Variants in STK39 observed in about 807,000 individuals in gnomAD.
The protein encoded by STK39 is serine/threonine kinase 39.
STK39 carries 20 observed loss-of-function variants against 77.8 expected under a neutral mutation model. The observed-to-expected ratio is 0.26, with a 90% CI of 0.18 to 0.37. STK39 has a LOEUF of 0.37. Ranked by LOEUF, STK39 falls within the 10% of genes least tolerant of loss-of-function variation. The pLI is 1.00. For missense variants in STK39, 479 were observed against 656.5 expected (o/e 0.73, Z 2.95); for synonymous variants, 246 against 234.1 (o/e 1.05, Z -0.47).
At chr2:167,966,135 C>T (rs1290379069) in intron 16 of STK39, among the ~76,000 whole-genome samples, 1 of 152,196 alleles carries the variant, frequency 6.6e-6, no homozygotes, top group African/African-American at 2.4e-5. Flanking sequence ...CTTTTGCCCA[C>T]ATAAGCAAGC....
At chr2:168,051,198 G>A (rs1685386138) in intron 14 of STK39, among the ~76,000 whole-genome samples, 1 of 152,146 alleles carries the variant, frequency 6.6e-6, no homozygotes, top group African/African-American at 2.4e-5. Context: ...TAATAAAACT[G>A]GAGAGGAGAA....
chr2:168,100,001 G>C (rs919422870), intron 10 of STK39, among the ~76,000 whole-genome samples: 2 of 152,140 alleles, frequency 1.3e-5, no homozygotes, highest in African/African-American at 4.8e-5. Flanking sequence ...AAGGGCCAAA[G>C]ACAGGCCACA....
chr2:168,187,626 C>A (rs1004411980), intron 1 of STK39, among the ~76,000 whole-genome samples: 21 of 152,162 alleles, frequency 1.4e-4, no homozygotes, highest in African/African-American at 4.8e-4. Flanking sequence ...TTAGGGAAAT[C>A]CCCCCAGGTC....
chr2:167,977,528 C>CAGACAA (rs1683309220), intron 16 of STK39, among the ~76,000 whole-genome samples: 1 of 147,946 alleles, frequency 6.8e-6, no homozygotes, highest in African/African-American at 2.5e-5. Flanking sequence ...CAGGAATACC[C>CAGACAA]AGAATTCATC....
intron 1 of STK39, among the ~76,000 whole-genome samples, chr2:168,237,229 G>A (rs1690637301): frequency 1.3e-5 from 2 of 152,156 alleles, no homozygotes; most frequent in Admixed American, 1.3e-4. Context: ...GTTCACTCAT[G>A]ATTTGGCTCT....
intron 1 of STK39, among the ~76,000 whole-genome samples, chr2:168,182,395 G>T (rs1221891088): frequency 6.6e-6 from 1 of 152,094 alleles, no homozygotes; most frequent in Admixed American, 6.6e-5. Flanking sequence ...TTTCTAGCTT[G>T]AGTGCCTTTA....
chr2:167,995,614 G>A (rs893518738), intron 16 of STK39, among the ~76,000 whole-genome samples: 1 of 152,184 alleles, frequency 6.6e-6, no homozygotes, highest in Non-Finnish European at 1.5e-5. Context: ...TATCAAGAGA[G>A]AGAAGATGGA....
At chr2:168,070,439 ATTTC>A (rs1235327049) in intron 12 of STK39, among the ~76,000 whole-genome samples, 1 of 150,506 alleles carries the variant, frequency 6.6e-6, no homozygotes, top group Non-Finnish European at 1.5e-5. Context: ...ATACTTCGAT[ATTTC>A]TTTTTTTTTT....
At chr2:168,114,143 A>G (rs1470177448) in intron 10 of STK39, among the ~76,000 whole-genome samples, 2 of 152,228 alleles carry the variant, frequency 1.3e-5, no homozygotes, top group African/African-American at 4.8e-5. Context: ...GTCCTTAAGG[A>G]AACTTCTAGG....
intron 1 of STK39, among the ~76,000 whole-genome samples, chr2:168,226,065 G>A (rs1453775616): frequency 6.6e-6 from 1 of 152,186 alleles, no homozygotes; most frequent in Non-Finnish European, 1.5e-5. Flanking sequence ...TTCTGACTAA[G>A]TAGAAACAAC....
chr2:167,971,765 T>C (rs755399124), intron 16 of STK39, among the ~76,000 whole-genome samples: 2 of 152,234 alleles, frequency 1.3e-5, no homozygotes, highest in Non-Finnish European at 2.9e-5. Context: ...TGGCTGACTT[T>C]GGATAAGTAA....
At chr2:168,077,295 C>T (rs546367916) in intron 10 of STK39, among the ~76,000 whole-genome samples, 17 of 152,246 alleles carry the variant, frequency 1.1e-4, no homozygotes, top group East Asian at 3.9e-4. Flanking sequence ...ATTTAGTTTA[C>T]GTCCTTTCCC....
intron 12 of STK39, among the ~76,000 whole-genome samples, chr2:168,067,020 G>A (rs1302046816): frequency 3.3e-5 from 5 of 152,204 alleles, no homozygotes; most frequent in African/African-American, 4.8e-5. Context: ...CCAAGAGTTC[G>A]AGGCTAGCTC....
chr2:168,174,401 A>G (rs1688904777), intron 2 of STK39, among the ~76,000 whole-genome samples: 3 of 152,210 alleles, frequency 2.0e-5, no homozygotes, highest in South Asian at 2.1e-4. Context: ...GTCCTAAAAA[A>G]TTAAAATTCG....
At chr2:168,211,137 CA>C (rs201058633) in intron 1 of STK39, among the ~76,000 whole-genome samples, 21 of 151,648 alleles carry the variant, frequency 1.4e-4, no homozygotes, top group African/African-American at 3.1e-4. Flanking sequence ...TATTCTAGGG[CA>C]AAAAAAATTA....
chr2:168,152,455 T>C (rs4668029), intron 5 of STK39, among the ~76,000 whole-genome samples: 66,427 of 152,030 alleles, frequency 0.44, 16,468 homozygotes, highest in East Asian at 0.68. Flanking sequence ...ATCTTGTCAA[T>C]CTTCCTTACT....
chr2:168,122,097 T>C lies in STK39; in HGVS notation c.1089+7444A>G, dbSNP rs113354278. Among the ~76,000 whole-genome samples the C allele has an allele frequency of 5.0e-3, 760 of 152,300 alleles. 5 individuals carry two copies. Among genetic ancestry groups the C allele is most frequent in the Admixed American group, 0.019 (288 of 15,298 alleles). On this transcript the variant is annotated intron_variant, in intron 10 of 17. Transcript: ENST00000355999. ...GTTTGTTTTACAGGTAAATTACGTG[T>C]TGTGGCGGTTTGGTGTACAGATTAT...
rs1301896796 is a variant in STK39, at chr2:168,074,991, T to G, written c.1233A>C (p.Glu411Asp). 1.9e-6 allele frequency: 3 copies of G among 1,613,750 alleles called. No individual in the cohort carries two copies. The Admixed American group carries it at 5.0e-5, about 27-fold the overall frequency. Residue 411 changes from glutamate to aspartate, a missense_variant, in exon 12 of 18, where the codon GAA becomes GAC. Transcript: ENST00000355999. ...SQEKSRRVKE[E>D]NPEIAVSAST... Reference sequence around the variant, plus strand: ...AATAGCCACAGCTCACCTCTGGATTTTCTTCTTTTACTCTTCGTGACTGTA... The same window carrying G: ...AATAGCCACAGCTCACCTCTGGATTGTCTTCTTTTACTCTTCGTGACTGTA...
At chr2:168,131,616 C>T (rs755166670) in intron 8 of STK39, among the ~76,000 whole-genome samples, 5 of 152,084 alleles carry the variant, frequency 3.3e-5, no homozygotes, top group Non-Finnish European at 5.9e-5. Flanking sequence ...CTGCTTTTTT[C>T]CTCAGATTTC....
Sources: allele counts gnomAD v4.1 joint callset (sites outside exome capture counted in the v4.1 genomes callset), GRCh38; gene constraint gnomAD v4.1.1; transcripts MANE v1.5; gene names NCBI Gene and HGNC (gene_info 2026-07-23, HGNC 2026-07-21).